Variants in TBXAS1 observed in about 807,000 individuals in gnomAD.
The protein encoded by TBXAS1 is thromboxane-A synthase.
A neutral mutation model predicts 60.7 loss-of-function variants in TBXAS1; 48 were observed. The ratio of observed to expected loss-of-function variants is 0.79; its 90% confidence interval spans 0.63 to 1.01. The LOEUF (loss-of-function observed/expected upper bound fraction) is 1.01, where lower values mean the gene tolerates loss of function less well. TBXAS1 is among the 50% of genes least tolerant of loss of function. TBXAS1 has a pLI of 0.00. For missense variants in TBXAS1, 685 were observed against 686.3 expected (o/e 1.00, Z 0.02); for synonymous variants, 287 against 269.7 (o/e 1.06, Z -0.63).
At chr7:139,988,837 G>A (rs1179141835) in intron 9 of TBXAS1, among the ~76,000 whole-genome samples, 2 of 152,184 alleles carry the variant, frequency 1.3e-5, no homozygotes, top group Admixed American at 6.5e-5. Flanking sequence ...AGGCACAGTC[G>A]AGGACAAGGA....
intron 3 of TBXAS1, among the ~76,000 whole-genome samples, chr7:139,895,632 G>A (rs1804027412): frequency 6.6e-6 from 1 of 152,236 alleles, no homozygotes; most frequent in African/African-American, 2.4e-5. Context: ...TCGGCTGCTG[G>A]ACAGCAAGTC....
intron 5 of TBXAS1, 45 bp from the exon 6 acceptor site, chr7:139,953,323 C>G: frequency 6.6e-7 from 1 of 1,525,588 alleles, no homozygotes; most frequent in Non-Finnish European, 9.1e-7. Context: ...TTTAGGTGTA[C>G]TCCCGGCATG....
intron 4 of TBXAS1, among the ~76,000 whole-genome samples, chr7:139,928,496 A>T (rs1807061685): frequency 6.6e-6 from 1 of 152,250 alleles, no homozygotes. Flanking sequence ...ATCCAGATTA[A>T]TGTTAAATCG....
At chr7:139,860,738 C>T (rs1800902788) in intron 1 of TBXAS1, among the ~76,000 whole-genome samples, 1 of 152,188 alleles carries the variant, frequency 6.6e-6, no homozygotes, top group Non-Finnish European at 1.5e-5. Flanking sequence ...TGCCTGTAAA[C>T]CAGTGAGGTT....
intron 5 of TBXAS1, chr7:139,952,472 G>A: frequency 6.8e-7 from 1 of 1,461,702 alleles, no homozygotes; most frequent in Non-Finnish European, 9.2e-7. Flanking sequence ...TCAGAATGAT[G>A]TATTAGAGCA....
rs1226523363 is a variant in TBXAS1 at position 139,896,040 on chromosome 7, G to T, written c.237-15185G>T. On this transcript the variant is annotated intron_variant, in intron 3 of 12. Transcript: ENST00000448866. The surrounding 1 kb of genome is among the most constrained non-coding windows in gnomAD (Gnocchi z 4.0). ...GAGTTGAAAGCTCCTTCTGCCAGGA[G>T]GAGTAATAGGGAAGCCAAGAGGATA... Among the ~76,000 whole-genome samples, 1 of 152,208 alleles carries T rather than the reference G, an allele frequency of 6.6e-6. No individual in the cohort carries two copies. The highest frequency in any genetic ancestry group is 1.5e-5 in the Non-Finnish European group (1 of 68,028).
chr7:139,843,123 CCAAGCTG>C (rs1799574229), intron 1 of TBXAS1, among the ~76,000 whole-genome samples: 1 of 152,162 alleles, frequency 6.6e-6, no homozygotes, highest in Non-Finnish European at 1.5e-5. Context: ...CCTGTTCCCT[CCAAGCTG>C]CACAGCGCAG....
chr7:139,815,414 A>G (rs1416277333), intron 4 of TBXAS1, among the ~76,000 whole-genome samples: 1 of 152,200 alleles, frequency 6.6e-6, no homozygotes, highest in Non-Finnish European at 1.5e-5. Context: ...CTCTTTTGAA[A>G]TGTATGATTC....
chr7:139,917,535 C>T (rs1426139033), intron 4 of TBXAS1, among the ~76,000 whole-genome samples: 1 of 152,226 alleles, frequency 6.6e-6, no homozygotes, highest in African/African-American at 2.4e-5. Context: ...TTTCTAATGT[C>T]TGGACATGGC....
At chr7:139,996,347 G>A (rs1402537215) in intron 9 of TBXAS1, among the ~76,000 whole-genome samples, 1 of 152,076 alleles carries the variant, frequency 6.6e-6, no homozygotes, top group East Asian at 1.9e-4. Context: ...TTACTTTCCA[G>A]TTGCCCTGCC....
At chr7:140,002,889 C>T (rs1191325933) in intron 9 of TBXAS1, among the ~76,000 whole-genome samples, 4 of 151,768 alleles carry the variant, frequency 2.6e-5, no homozygotes, top group East Asian at 3.9e-4. Context: ...TTTGGGAGGC[C>T]GAGGCAGGCG....
At chr7:139,922,343 C>A (rs1193098423) in intron 4 of TBXAS1, among the ~76,000 whole-genome samples, 3 of 152,116 alleles carry the variant, frequency 2.0e-5, no homozygotes, top group Admixed American at 1.3e-4. Flanking sequence ...CTCAGGTGAT[C>A]TGCCCACCTT....
intron 9 of TBXAS1, among the ~76,000 whole-genome samples, chr7:139,992,369 C>A (rs1228741819): frequency 1.3e-5 from 2 of 152,362 alleles, no homozygotes; most frequent in Non-Finnish European, 2.9e-5. Context: ...TCAAGAACTT[C>A]ATTCTCATGT....
rs1161752364 is a variant in TBXAS1, at chr7:139,896,760, G to A, written c.237-14465G>A. Among the ~76,000 whole-genome samples, 1 of 152,178 alleles carries A rather than the reference G, an allele frequency of 6.6e-6. No individual in the cohort carries two copies. Among genetic ancestry groups the A allele is most frequent in the African/African-American group, 2.4e-5 (1 of 41,444 alleles). On this transcript the variant is annotated intron_variant, in intron 3 of 12. Transcript: ENST00000448866. The surrounding 1 kb of genome is among the most constrained non-coding windows in gnomAD (Gnocchi z 4.0). Reference sequence around the variant, plus strand: ...ACTAAGGGCACCGTGAACTGAGAACGTTTGGAAACACAGGTATAAGAGGAA... The same window carrying A: ...ACTAAGGGCACCGTGAACTGAGAACATTTGGAAACACAGGTATAAGAGGAA...
At chr7:139,886,697 C>T (rs115030363) in intron 3 of TBXAS1, among the ~76,000 whole-genome samples, 4,570 of 152,180 alleles carry the variant, frequency 0.03, 211 homozygotes, top group African/African-American at 0.1. Context: ...TGCATATTCA[C>T]CACAAAGAGG....
intron 3 of TBXAS1, among the ~76,000 whole-genome samples, chr7:139,876,065 G>C (rs1171775825): frequency 6.6e-6 from 1 of 152,190 alleles, no homozygotes; most frequent in African/African-American, 2.4e-5. Context: ...AGCCCATGGG[G>C]AAAGTGTGCT....
intron 4 of TBXAS1, among the ~76,000 whole-genome samples, chr7:139,927,345 T>A (rs536200632): frequency 6.6e-6 from 1 of 151,684 alleles, no homozygotes; most frequent in South Asian, 2.1e-4. Context: ...TTGCAAATAA[T>A]CTTGTAAACC....
intron 9 of TBXAS1, among the ~76,000 whole-genome samples, chr7:139,997,360 C>T (rs778605625): frequency 6.6e-6 from 1 of 152,162 alleles, no homozygotes; most frequent in Non-Finnish European, 1.5e-5. Flanking sequence ...ACATCATATA[C>T]AGTCAGCTGT....
chr7:139,879,570 C>T (rs1802525653), intron 3 of TBXAS1, among the ~76,000 whole-genome samples: 1 of 152,096 alleles, frequency 6.6e-6, no homozygotes, highest in African/African-American at 2.4e-5. Context: ...TATCGTCATA[C>T]ATTGGTGATT....
Sources: gnomAD v4.1 joint callset for allele counts (sites outside exome capture counted in the v4.1 genomes callset) on GRCh38, gnomAD v4.1.1 for gene constraint, Gnocchi (gnomAD v3.1) non-coding constraint, MANE v1.5 for transcripts, NCBI Gene and HGNC (gene_info 2026-07-23, HGNC 2026-07-21) for gene names.